Variants in NEK8 observed in about 807,000 individuals in gnomAD.
NEK8 encodes the protein NIMA related kinase 8, also known as serine/threonine-protein kinase Nek8.
NEK8 carries 51 observed loss-of-function variants against 77.2 expected under a neutral mutation model. The ratio of observed to expected loss-of-function variants is 0.66; its 90% CI spans 0.53 to 0.83. The LOEUF (loss-of-function observed/expected upper bound fraction) is 0.83. Among genes scored for constraint, NEK8 ranks in the 40% least tolerant of loss-of-function variants. NEK8 has a pLI of 0.00. For missense variants in NEK8, 787 were observed against 909.2 expected (o/e 0.87, Z 1.73); for synonymous variants, 365 against 363.2 (o/e 1.00, Z -0.06).
At chr17:28,730,683 G>A (rs1470228010) in intron 1 of NEK8, among the ~76,000 whole-genome samples, 4 of 152,274 alleles carry the variant, frequency 2.6e-5, no homozygotes, top group East Asian at 3.9e-4. Flanking sequence ...TTGGGAGGCC[G>A]AGATGGGCAA....
Position 28,737,983 on chromosome 17 carries a change from C to A in NEK8, c.1054C>A (p.Arg352Ser), listed in dbSNP as rs1204896833. Residue 352 changes from arginine to serine, a missense_variant, in exon 7 of 15, where the codon CGT (arginine) becomes AGT (serine). By Grantham distance (110) the Arg-to-Ser change is moderately radical (BLOSUM62 -1). Coordinates refer to ENST00000268766, the MANE Select transcript of NEK8 (RefSeq NM_178170.3). The surrounding 1 kb of genome is among the most constrained non-coding windows in gnomAD (Gnocchi z 4.8). ...TQKAGVTRSG[R>S]LILWEAPPLG... ...GAAAGCCGGCGTCACGCGCTCTGGG[C>A]GTCTCATCCTGTGGGAGGTGAGCAG... 5.0e-6 allele frequency: 8 copies of A among 1,611,636 alleles called. No individual in the cohort carries two copies. Among genetic ancestry groups the A allele is most frequent in the Non-Finnish European group, 6.8e-6 (8 of 1,178,728 alleles).
intron 8 of NEK8, 143 bp from the exon 9 acceptor site, chr17:28,738,528 T>C: frequency 1.3e-6 from 1 of 790,452 alleles, no homozygotes; most frequent in Non-Finnish European, 2.2e-6. Context: ...AAGGGACTCA[T>C]ATCCTTTTCT....
chr17:28,738,361 T>C (rs1332034645), intron 8 of NEK8, 116 bp downstream of exon 8: 2 of 1,269,360 alleles, frequency 1.6e-6, no homozygotes, highest in Non-Finnish European at 2.3e-6. Context: ...TATCGAGTTA[T>C]TGCTTCTGTC....
intron 1 of NEK8, chr17:28,733,036 G>A: frequency 6.8e-6 from 1 of 147,772 alleles, no homozygotes; most frequent in Non-Finnish European, 1.5e-5. Context: ...ACCATGCTCA[G>A]CTAATTTTTT....
In NEK8 at chr17:28,741,286, TG is replaced by T. The variant is rs559869807; in HGVS notation, c.1891+55del. The T allele has an allele frequency of 2.5e-4, 324 of 1,295,874 alleles. No individual in the cohort carries two copies. The African/African-American group carries it at 4.5e-3, about 18-fold the overall frequency. 80.3% of individuals were successfully genotyped at this position (1,295,874 alleles called of 1,614,324 possible). A position where few individuals can be genotyped will look rare whatever the true frequency, so the allele number is the denominator to read the frequency against. ...AGACAGTGCCATGAGCAGTGGGGGG[TG>T]GGGGTTGCTATTCAGGGCCACTGGA... On this transcript the variant is annotated intron_variant, in intron 13 of 14. Transcript: ENST00000268766. This position sits in a 1 kb window ranked among gnomAD's most constrained non-coding sequence, Gnocchi z 4.5.
Position 28,740,921 on chromosome 17 carries a change from A to T in NEK8, c.1668A>T (p.Ala556=), listed in dbSNP as rs1171057539. 3 of 1,614,038 alleles carry T rather than the reference A, an allele frequency of 1.9e-6. No individual in the cohort carries two copies. Among genetic ancestry groups the T allele is most frequent in the Non-Finnish European group, 2.5e-6 (3 of 1,179,994 alleles). Reference sequence around the variant, plus strand: ...TGAGCTTCACACTACTAGGCTCTGCACCCCTGGACCAGGAGCCTCTGCTGA... The same window carrying T: ...TGAGCTTCACACTACTAGGCTCTGCTCCCCTGGACCAGGAGCCTCTGCTGA... ...EALSFTLLGS[A]PLDQEPLLSI... is the part of the protein sequence containing the mutation. Residue 556 remains alanine, a synonymous_variant, in exon 12 of 15, where the codon GCA becomes GCT. Transcript: ENST00000268766. The surrounding 1 kb of genome is among the most constrained non-coding windows in gnomAD (Gnocchi z 4.7).
At position 28,742,735 on chromosome 17, in the gene NEK8, G is replaced by C. The variant is rs1257026674; in HGVS notation, c.*748G>C. On this transcript the variant is annotated 3_prime_UTR_variant, in exon 15 of 15. Transcript: ENST00000268766. ...TGGCCAGGAGTTGGGAGACCAGCCT[G>C]GGGACCATAGCGAGACCGCTGTCTC... 1 of 151,690 alleles carries C rather than the reference G, an allele frequency of 6.6e-6. No homozygotes were observed. Among genetic ancestry groups the C allele is most frequent in the East Asian group, 1.9e-4 (1 of 5,146 alleles). 9.4% of individuals were successfully genotyped at this position (151,690 alleles called of 1,614,324 possible).
In NEK8 at chr17:28,738,730, C is replaced by G; in HGVS notation, c.1282C>G (p.Leu428Val). The change falls in exon 9 of 15, where the codon CTC becomes GTC. Residue 428 changes from leucine (L) to valine (V), a missense_variant. Leu to Val is a conservative substitution (Grantham distance 32). Around this residue, in one of 2 missense-constraint regions of NEK8, gnomAD observed 516 missense variants for 544.0 expected, o/e 0.95. Coordinates refer to ENST00000268766, the MANE Select transcript of NEK8 (RefSeq NM_178170.3). ...CAATGGGTGCCTAGGCCATGGCAGC[C>G]TCACTGACATCAGCCAGGTGGGTGT... ...GSNGCLGHGS[L>V]TDISQPTIVE... 1 of 1,613,990 alleles carries G rather than the reference C, an allele frequency of 6.2e-7. No individual in the cohort carries two copies. Among genetic ancestry groups the G allele is most frequent in the South Asian group, 1.1e-5 (1 of 91,072 alleles).
At position 28,732,123 on chromosome 17, in the gene NEK8, G is replaced by A. The variant is rs866443779; in HGVS notation, c.48-1860G>A. Among the ~76,000 whole-genome samples, 48 of 151,136 alleles carry A rather than the reference G, an allele frequency of 3.2e-4. No individual in the cohort carries two copies. In the Middle Eastern group the frequency reaches 0.01, roughly 32 times the overall value. Reference sequence around the variant, plus strand: ...TTTTTTGTATTTTTAGTAGAGACGGGGTTTCATCGTGTTAGCCAGGATAGT... The same window carrying A: ...TTTTTTGTATTTTTAGTAGAGACGGAGTTTCATCGTGTTAGCCAGGATAGT... On this transcript the variant is annotated intron_variant, in intron 1 of 14. Coordinates refer to ENST00000268766, the MANE Select transcript of NEK8 (RefSeq NM_178170.3).
chr17:28,729,697 C>T (rs1432349293), intron 1 of NEK8, among the ~76,000 whole-genome samples: 1 of 151,260 alleles, frequency 6.6e-6, no homozygotes, highest in Non-Finnish European at 1.5e-5. Context: ...CACGCGCCAC[C>T]ATGCCCAGCT....
Position 28,740,646 on chromosome 17 carries a change from CT to C in NEK8, c.1568+34del, listed in dbSNP as rs1224852354. On this transcript the variant is annotated intron_variant, in intron 11 of 14. Coordinates refer to ENST00000268766, the MANE Select transcript of NEK8 (RefSeq NM_178170.3). This position sits in a 1 kb window ranked among gnomAD's most constrained non-coding sequence, Gnocchi z 4.7. ...GATCATCAGGATGACTAACCTGCCCCTGGCTCTCCTTGGCTGCAAGTGCTCC... is the reference window on the plus strand; with the variant it reads ...GATCATCAGGATGACTAACCTGCCCCGGCTCTCCTTGGCTGCAAGTGCTCC... 1.2e-6 allele frequency: 2 copies of C among 1,613,176 alleles called. No homozygotes were observed. The highest frequency in any genetic ancestry group is 2.2e-5 in the East Asian group (1 of 44,874).
rs2034406312 is a variant in NEK8, at chr17:28,740,156, T to A, written c.1418-307T>A. On this transcript the variant is annotated intron_variant, in intron 10 of 14. Coordinates refer to ENST00000268766, the MANE Select transcript of NEK8 (RefSeq NM_178170.3). The surrounding 1 kb of genome is among the most constrained non-coding windows in gnomAD (Gnocchi z 4.7). The stretch of plus-strand genomic sequence containing the variant: ...AAAATTAGCTGGGCATGGTGGTGCA[T>A]GCCTGTAATCCCGGCTACTCAGGAG... Among the ~76,000 whole-genome samples the A allele has an allele frequency of 6.6e-6, 1 of 152,224 alleles. No homozygotes were observed. Among genetic ancestry groups the A allele is most frequent in the East Asian group, 1.9e-4 (1 of 5,162 alleles).
At chr17:28,733,636 T>C (rs557622982) in intron 1 of NEK8, among the ~76,000 whole-genome samples, 9 of 152,328 alleles carry the variant, frequency 5.9e-5, no homozygotes, top group African/African-American at 1.7e-4. Context: ...TTCCATCCTC[T>C]CAACAACCCT....
At chr17:28,736,123 G>A (rs1052694189) in intron 4 of NEK8, among the ~76,000 whole-genome samples, 56 of 152,284 alleles carry the variant, frequency 3.7e-4, no homozygotes, top group African/African-American at 1.3e-3. Flanking sequence ...TTTTACGGCT[G>A]CATAGTTTTC....
At chr17:28,734,323 C>T (rs1293555556) in intron 2 of NEK8, 135 bp downstream of exon 2, 2 of 791,020 alleles carry the variant, frequency 2.5e-6, no homozygotes, top group Admixed American at 1.9e-5. Context: ...TATCTGACCC[C>T]GGCTAGCCCC....
At chr17:28,733,841 T>C in intron 1 of NEK8, 142 bp from the exon 2 acceptor site, 1 of 724,564 alleles carries the variant, frequency 1.4e-6, no homozygotes, top group Non-Finnish European at 2.5e-6. Context: ...GTTCCCAAGT[T>C]CAGTGTTCTG....
In NEK8 at chr17:28,741,244, CTG is replaced by C. The variant is rs1016768430; in HGVS notation, c.1891+9_1891+10del. On this transcript the variant is annotated intron_variant, in intron 13 of 14. Transcript: ENST00000268766. The surrounding 1 kb of genome is among the most constrained non-coding windows in gnomAD (Gnocchi z 4.5). ...CTGTAGCTATTGGGGCAGGTGAGGA[CTG>C]AGCATGGTGGGGGCAGACAGTGCCA... 31 of 1,601,770 alleles carry C rather than the reference CTG, an allele frequency of 1.9e-5. No individual in the cohort carries two copies. In the African/African-American group the frequency reaches 4.0e-4, roughly 21 times the overall value.
Position 28,734,116 on chromosome 17 carries a change from C to A in NEK8, c.181C>A (p.Pro61Thr), listed in dbSNP as rs749351161. ...ECQVLKLLNH[P>T]NVIEYYENFL... ...CCAGGTCCTCAAGCTGCTCAACCAC[C>A]CCAATGTCATTGAGTACTACGAGAA... The change falls in exon 2 of 15, where the codon CCC becomes ACC. Residue 61 changes from proline (P) to threonine (T), a missense_variant. Transcript: ENST00000268766. 2 of 1,614,042 alleles carry A rather than the reference C, an allele frequency of 1.2e-6. No homozygotes were observed. The highest frequency in any genetic ancestry group is 2.7e-5 in the African/African-American group (2 of 74,940).
intron 1 of NEK8, among the ~76,000 whole-genome samples, chr17:28,730,919 T>C (rs1301316051): frequency 6.6e-6 from 1 of 150,700 alleles, no homozygotes; most frequent in Non-Finnish European, 1.5e-5. Context: ...TGAGAACCTA[T>C]CTAAAAAAAG....
Sources: gnomAD v4.1 joint callset for allele counts (sites outside exome capture counted in the v4.1 genomes callset) on GRCh38, gnomAD v4.1.1 for gene constraint, gnomAD v4.1.1 regional missense constraint, Gnocchi (gnomAD v3.1) non-coding constraint, MANE v1.5 for transcripts, NCBI Gene and HGNC (gene_info 2026-07-23, HGNC 2026-07-21) for gene names.